Variants in CRLF2 observed in about 807,000 individuals in gnomAD.
CRLF2 encodes cytokine receptor like factor 2.
Under a neutral mutation model 38.7 loss-of-function variants are expected in CRLF2, and 41 were observed. That is an observed-to-expected ratio of 1.06 (90% CI 0.83 to 1.37). The LOEUF is 1.37. CRLF2 is among the 40% of genes most tolerant of loss of function. CRLF2 has a pLI of 0.00. For missense variants in CRLF2, 377 were observed against 322.2 expected (o/e 1.17, Z -1.30); for synonymous variants, 140 against 128.8 (o/e 1.09, Z -0.59).
intron 4 of CRLF2, 46 bp downstream of exon 4, chrX:1,202,356 G>T: frequency 6.2e-7 from 1 of 1,610,548 alleles, no homozygotes; most frequent in African/African-American, 1.3e-5. Context: ...CCGCACCTGG[G>T]GGACGCTCAG....
intron 5 of CRLF2, among the ~76,000 whole-genome samples, chrX:1,197,681 G>GCA (rs2086511563): frequency 6.6e-6 from 1 of 151,972 alleles, no homozygotes; most frequent in African/African-American, 2.4e-5. Flanking sequence ...GGGCTTGGTG[G>GCA]TGCGTGCCTG....
chrX:1,209,371 A>C (rs1348123460), intron 1 of CRLF2, among the ~76,000 whole-genome samples: 4 of 140,596 alleles, frequency 2.8e-5, no homozygotes, highest in African/African-American at 1.1e-4. Flanking sequence ...TCACTCTGTC[A>C]CCCAGGCTGG....
chrX:1,202,875 G>A (rs2086632777), intron 3 of CRLF2, among the ~76,000 whole-genome samples: 2 of 151,878 alleles, frequency 1.3e-5, no homozygotes, highest in South Asian at 4.2e-4. Context: ...TTAGAAGGCC[G>A]AGGCGGGTGG....
At chrX:1,206,122 T>C (rs1459545709) in intron 3 of CRLF2, among the ~76,000 whole-genome samples, 1 of 152,028 alleles carries the variant, frequency 6.6e-6, no homozygotes, top group Admixed American at 6.6e-5. Flanking sequence ...ATTACGGTAA[T>C]CATGGATCCG....
chrX:1,201,102 GGTAA>G (rs1353711529), intron 4 of CRLF2, among the ~76,000 whole-genome samples: 1 of 152,000 alleles, frequency 6.6e-6, no homozygotes, highest in Non-Finnish European at 1.5e-5. Flanking sequence ...CTAATGCAAG[GGTAA>G]GTATTTGTGT....
chrX:1,190,586 A>G lies in CRLF2; in HGVS notation c.*311T>C. On this transcript the variant is annotated 3_prime_UTR_variant, in exon 8 of 8. Transcript: ENST00000400841. ...TCACAGAGTGGGAAGATGGTTTTAC[A>G]GCATTTTGGACGTGCTGCCTTGGGG... The G allele has an allele frequency of 2.9e-6, 1 of 349,750 alleles. No individual in the cohort carries two copies. The allele number at this position is 349,750 out of a possible 1,614,324, so 21.7% of individuals were successfully genotyped here.
chrX:1,210,766 T>C (rs1334416908), intron 1 of CRLF2, among the ~76,000 whole-genome samples: 1 of 152,158 alleles, frequency 6.6e-6, no homozygotes, highest in African/African-American at 2.4e-5. Flanking sequence ...ATATAGATGA[T>C]GATAGAAATA....
chrX:1,206,878 C>G (rs2086700087), intron 2 of CRLF2, among the ~76,000 whole-genome samples: 1 of 150,778 alleles, frequency 6.6e-6, no homozygotes, highest in African/African-American at 2.4e-5. Flanking sequence ...CTCCTGACCT[C>G]AGGTGATCCA....
chrX:1,202,681 T>A, intron 3 of CRLF2, 146 bp from the exon 4 acceptor site: 1 of 909,808 alleles, frequency 1.1e-6, no homozygotes, highest in Non-Finnish European at 1.7e-6. Flanking sequence ...ATTACTTTTA[T>A]AGGAGAAGCT....
chrX:1,194,969 T>C (rs2086451945), intron 6 of CRLF2, among the ~76,000 whole-genome samples: 2 of 151,834 alleles, frequency 1.3e-5, no homozygotes, highest in East Asian at 3.9e-4. Context: ...GAGGCGGAGG[T>C]GGCAGTGAGC....
chrX:1,210,392 C>A (rs760281966), intron 1 of CRLF2, among the ~76,000 whole-genome samples: 8 of 152,218 alleles, frequency 5.3e-5, no homozygotes, highest in African/African-American at 1.9e-4. Context: ...CGGCTCACTG[C>A]AAGCTTTGCC....
In CRLF2 at chrX:1,190,809, C is replaced by A. The variant is rs1243531208; in HGVS notation, c.*88G>T. Reference sequence around the variant, plus strand: ...ATCATTGGCGTGGAGACTTCCCATCCATGGTGGTGTGGAGTCCCCGGGACA... The same window carrying A: ...ATCATTGGCGTGGAGACTTCCCATCAATGGTGGTGTGGAGTCCCCGGGACA... On this transcript the variant is annotated 3_prime_UTR_variant, in exon 8 of 8. Coordinates refer to ENST00000400841, the MANE Select transcript of CRLF2 (RefSeq NM_022148.4). 1.8e-5 allele frequency: 7 copies of A among 398,538 alleles called. No individual in the cohort carries two copies. Among genetic ancestry groups the A allele is most frequent in the Non-Finnish European group, 3.1e-5 (7 of 226,096 alleles). 24.7% of individuals were successfully genotyped at this position (398,538 alleles called of 1,614,324 possible).
chrX:1,193,980 C>G (rs1242194068), intron 6 of CRLF2, among the ~76,000 whole-genome samples: 1 of 149,962 alleles, frequency 6.7e-6, no homozygotes, highest in Non-Finnish European at 1.5e-5. Flanking sequence ...CAAAAATTAG[C>G]TGGGCATGGT....
Position 1,190,712 on chromosome X carries a change from TG to T in CRLF2, c.*184del, listed in dbSNP as rs2086359828. On this transcript the variant is annotated 3_prime_UTR_variant, in exon 8 of 8. Coordinates refer to ENST00000400841, the MANE Select transcript of CRLF2 (RefSeq NM_022148.4). ...AAGCCTTTGAACACAGAGACTCATG[TG>T]GGGGAAAGTTAGCAGGGCAGTGGCC... 2.5e-6 allele frequency: 1 copy of T among 397,588 alleles called. No homozygotes were observed. The highest frequency in any genetic ancestry group is 4.4e-6 in the Non-Finnish European group (1 of 226,000). 24.6% of individuals were successfully genotyped at this position (397,588 alleles called of 1,614,324 possible).
rs1349851789 is a variant in CRLF2, at chrX:1,194,989, G to A, written c.768-1687C>T. 3.0e-3 allele frequency among the ~76,000 whole-genome samples: 460 copies of A among 151,956 alleles called. 4 individuals carry two copies. Among genetic ancestry groups the A allele is most frequent in the African/African-American group, 0.01 (434 of 41,420 alleles). On this transcript the variant is annotated intron_variant, in intron 6 of 7. Transcript: ENST00000400841. ...GGAGGTGGCAGTGAGCCGAGATCATGCCACTGTACTCCAGCCTGGGTGACA... is the reference window on the plus strand; with the variant it reads ...GGAGGTGGCAGTGAGCCGAGATCATACCACTGTACTCCAGCCTGGGTGACA...
At position 1,196,377 on chromosome X, in the gene CRLF2, G is replaced by A. The variant is rs776061484; in HGVS notation, c.767+403C>T. Among the ~76,000 whole-genome samples the A allele has an allele frequency of 1.8e-4, 28 of 151,854 alleles. No individual in the cohort carries two copies. In the East Asian group the frequency reaches 3.5e-3, roughly 19 times the overall value. On this transcript the variant is annotated intron_variant, in intron 6 of 7. Transcript: ENST00000400841. ...TACTTTTTGTATTTTTATTAGAGACGGGGTTTCACCATGTTGGCCAGGATG... is the reference window on the plus strand; with the variant it reads ...TACTTTTTGTATTTTTATTAGAGACAGGGTTTCACCATGTTGGCCAGGATG...
At chrX:1,197,830 A>G (rs1460760041) in intron 5 of CRLF2, among the ~76,000 whole-genome samples, 1 of 150,984 alleles carries the variant, frequency 6.6e-6, no homozygotes, top group Non-Finnish European at 1.5e-5. Flanking sequence ...AATAAAAATA[A>G]AAAAATAAAA....
chrX:1,197,556 C>G (rs1237315957), intron 5 of CRLF2, among the ~76,000 whole-genome samples: 2 of 152,086 alleles, frequency 1.3e-5, no homozygotes, highest in Non-Finnish European at 2.9e-5. Context: ...TGGCTCACGC[C>G]TTTAATCCCA....
Position 1,204,108 on chromosome X carries a change from C to G in CRLF2, c.350-1573G>C, listed in dbSNP as rs2086653495. Reference sequence around the variant, plus strand: ...CTCTCTCAAAAAAAAGAGAGAACATCCAGTGAGTGGGATGAGGATGAGAGA... The same window carrying G: ...CTCTCTCAAAAAAAAGAGAGAACATGCAGTGAGTGGGATGAGGATGAGAGA... On this transcript the variant is annotated intron_variant, in intron 3 of 7. Coordinates refer to ENST00000400841, the MANE Select transcript of CRLF2 (RefSeq NM_022148.4). Among the ~76,000 whole-genome samples the G allele has an allele frequency of 4.2e-5, 2 of 47,332 alleles. 1 individual carries two copies. The highest frequency in any genetic ancestry group is 1.0e-4 in the Non-Finnish European group (2 of 19,532). 31.1% of individuals were successfully genotyped at this position (47,332 alleles called of 152,430 possible). A position where few individuals can be genotyped will look rare whatever the true frequency, so the allele number is the denominator to read the frequency against.
Sources: gnomAD v4.1 joint callset for allele counts (sites outside exome capture counted in the v4.1 genomes callset) on GRCh38, gnomAD v4.1.1 for gene constraint, MANE v1.5 for transcripts, NCBI Gene and HGNC (gene_info 2026-07-23, HGNC 2026-07-21) for gene names.